Variants in THOC2 observed in about 807,000 individuals in gnomAD.
THOC2 encodes THO complex 2.
Under a neutral mutation model 128.4 loss-of-function variants are expected in THOC2, and 10 were observed. The ratio of observed to expected loss-of-function variants is 0.08; its 90% CI spans 0.05 to 0.13. The LOEUF (loss-of-function observed/expected upper bound fraction) is 0.13. THOC2 is among the 10% of genes least tolerant of loss of function. The pLI is 1.00. For synonymous variants in THOC2, 393 were observed against 396.9 expected, an observed-to-expected ratio of 0.99 and a Z score of 0.12; for missense variants, 535 against 1,155.7, an observed-to-expected ratio of 0.46 and a Z score of 7.79.
intron 4 of THOC2, among the ~76,000 whole-genome samples, chrX:123,700,124 G>A (rs768564365): frequency 1.8e-5 from 2 of 110,356 alleles, no homozygotes; most frequent in Non-Finnish European, 3.8e-5. Flanking sequence ...CCAGCCCAGA[G>A]GCCCCATCAG....
Position 123,627,186 on chromosome X carries a change from C to T in THOC2, c.2757+507G>A, listed in dbSNP as rs185310215. 4.5e-5 allele frequency among the ~76,000 whole-genome samples: 5 copies of T among 112,181 alleles called. No individual in the cohort carries two copies. The East Asian group carries it at 1.4e-3, about 31-fold the overall frequency. ...GACTTCCAATGCCTACATAATCTGG[C>T]CCCATCATAACTATTCATATGAATC... is the stretch of plus-strand genomic sequence containing the variant. On this transcript the variant is annotated intron_variant, in intron 23 of 38. Coordinates refer to ENST00000245838, the MANE Select transcript of THOC2 (RefSeq NM_001081550.2).
chrX:123,614,028 T>C (rs899594936), intron 34 of THOC2, 24 bp downstream of exon 34: 1 of 1,190,475 alleles, frequency 8.4e-7, no homozygotes, highest in Middle Eastern at 2.3e-4. Flanking sequence ...CTTTCCAAAC[T>C]AGTTTAAAAA....
At chrX:123,625,396 C>A (rs758768404) in intron 25 of THOC2, among the ~76,000 whole-genome samples, 36 of 112,172 alleles carry the variant, frequency 3.2e-4, no homozygotes, top group Non-Finnish European at 6.0e-4. Context: ...CCGCACCCGG[C>A]CACATTATGT....
At chrX:123,643,108 A>G (rs2047991163) in intron 15 of THOC2, among the ~76,000 whole-genome samples, 1 of 111,513 alleles carries the variant, frequency 9.0e-6, no homozygotes, top group Non-Finnish European at 1.9e-5. Flanking sequence ...ACCAGATGGA[A>G]AGGGGGAAAG....
intron 1 of THOC2, among the ~76,000 whole-genome samples, chrX:123,720,004 C>T (rs763537979): frequency 2.1e-4 from 23 of 110,662 alleles, no homozygotes; most frequent in African/African-American, 6.9e-4. Context: ...AAAACTAGCC[C>T]GGCATGGTGG....
chrX:123,630,394 C>G (rs936959907), intron 22 of THOC2, among the ~76,000 whole-genome samples: 2 of 110,587 alleles, frequency 1.8e-5, no homozygotes, highest in Admixed American at 1.9e-4. Flanking sequence ...AGGCGGATCA[C>G]CTGAGGTCAG....
chrX:123,612,048 A>T (rs1418350451), intron 36 of THOC2, among the ~76,000 whole-genome samples: 1 of 111,628 alleles, frequency 9.0e-6, no homozygotes, highest in Non-Finnish European at 1.9e-5. Context: ...GATGTAGAGA[A>T]ATCTGCACTC....
At chrX:123,646,988 G>GT (rs757697913) in intron 12 of THOC2, among the ~76,000 whole-genome samples, 178 of 111,701 alleles carry the variant, frequency 1.6e-3, no homozygotes, top group African/African-American at 5.6e-3. Context: ...GCGACACACA[G>GT]TTTTTTTCCC....
chrX:123,618,715 A>G (rs2046980955), intron 33 of THOC2, among the ~76,000 whole-genome samples: 1 of 112,063 alleles, frequency 8.9e-6, no homozygotes, highest in Non-Finnish European at 1.9e-5. Context: ...CAATTCAAGT[A>G]TAATACTGAA....
intron 38 of THOC2, chrX:123,610,391 T>TA (rs533071615): frequency 0.029 from 2,762 of 96,771 alleles, 41 homozygotes; most frequent in African/African-American, 0.061. Flanking sequence ...TGGGCAGTGG[T>TA]AAAAAAAAAA....
intron 8 of THOC2, among the ~76,000 whole-genome samples, chrX:123,684,923 G>A (rs2049944314): frequency 6.2e-5 from 7 of 112,132 alleles, no homozygotes; most frequent in Non-Finnish European, 1.9e-5. Context: ...CAAGAGTATA[G>A]AAACAGACAC....
chrX:123,636,821 C>T (rs1046356221), intron 18 of THOC2, among the ~76,000 whole-genome samples: 18 of 111,680 alleles, frequency 1.6e-4, no homozygotes, highest in Non-Finnish European at 2.1e-4. Context: ...CAACTATTTG[C>T]TAAGCACCTA....
At chrX:123,663,707 G>A (rs891985223) in intron 12 of THOC2, among the ~76,000 whole-genome samples, 4 of 108,924 alleles carry the variant, frequency 3.7e-5, no homozygotes, top group African/African-American at 1.3e-4. Flanking sequence ...TGCCATGTTG[G>A]TGTGCTGCAC....
Position 123,635,468 on chromosome X carries a change from G to A in THOC2, c.2018+611C>T, listed in dbSNP as rs2047638670. ...GTTTGCTTTCTACCAGAAAGCTTCT[G>A]AAAACAATTCAGGTTCTTTGATTCT... is the stretch of plus-strand genomic sequence containing the variant. On this transcript the variant is annotated intron_variant, in intron 19 of 38. Coordinates refer to ENST00000245838, the MANE Select transcript of THOC2 (RefSeq NM_001081550.2). 4.5e-5 allele frequency among the ~76,000 whole-genome samples: 5 copies of A among 111,694 alleles called. No homozygotes were observed. The South Asian group carries it at 1.5e-3, about 34-fold the overall frequency.
chrX:123,609,975 G>A lies in THOC2; in HGVS notation c.*18+943C>T, dbSNP rs1367830824. ...ACCTGGGCGGCAGAGGTTGCAGTGA[G>A]CTGAGATCGCGCCACTGCACTCCAG... On this transcript the variant is annotated intron_variant, in intron 38 of 38. Transcript: ENST00000245838. Among the ~76,000 whole-genome samples the A allele has an allele frequency of 3.6e-5, 4 of 110,567 alleles. No homozygotes were observed. In the Admixed American group the frequency reaches 3.8e-4, roughly 11 times the overall value.
At position 123,627,877 on chromosome X, in the gene THOC2, G is replaced by A. The variant is rs1215066707; in HGVS notation, c.2573C>T (p.Ala858Val). 8 of 1,209,352 alleles carry A rather than the reference G, an allele frequency of 6.6e-6. No individual in the cohort carries two copies. Among genetic ancestry groups the A allele is most frequent in the Non-Finnish European group, 8.9e-6 (8 of 894,570 alleles). The change falls in exon 23 of 39, where the codon GCG (alanine) becomes GTG (valine). Residue 858 changes from alanine to valine, a missense_variant. Physicochemically the swap from Ala to Val is moderately conservative, Grantham distance 64. Around this residue, in one of 9 missense-constraint regions of THOC2, gnomAD observed 90 missense variants for 298.6 expected, o/e 0.30. Transcript: ENST00000245838. ...GGAGACCACTGCTTCATGGACAGGC[G>A]CCATCACCATCTCACATGATGTAAT... is the stretch of plus-strand genomic sequence containing the variant. ...KYITSCEMVMAPVHEAVVSLH... is the reference protein window; with the variant it reads ...KYITSCEMVMVPVHEAVVSLH...
In THOC2 at chrX:123,621,206, C is replaced by T. The variant is rs1286260186; in HGVS notation, c.4167G>A (p.Gly1389=). The T allele has an allele frequency of 1.3e-5, 16 of 1,210,214 alleles. No homozygotes were observed. The highest frequency in any genetic ancestry group is 1.8e-5 in the Non-Finnish European group (16 of 894,962). The change falls in exon 31 of 39, where the codon GGG becomes GGA. Residue 1389 remains glycine, a synonymous_variant. Coordinates refer to ENST00000245838, the MANE Select transcript of THOC2 (RefSeq NM_001081550.2). ...ATCTGGGAACAGGTGATTTCAAGGACCCAGAAACTGGTGTTTTTTCTCCTC... is the reference window on the plus strand; with the variant it reads ...ATCTGGGAACAGGTGATTTCAAGGATCCAGAAACTGGTGTTTTTTCTCCTC... ...VKGGEKTPVS[G]SLKSPVPRSD...
At chrX:123,615,499 G>C (rs1453060454) in intron 33 of THOC2, among the ~76,000 whole-genome samples, 4 of 110,408 alleles carry the variant, frequency 3.6e-5, no homozygotes, top group Non-Finnish European at 7.6e-5. Flanking sequence ...TTGCTGGCTA[G>C]AATGCCTTAA....
rs1052834414 is a variant in THOC2, at chrX:123,600,855, A to C, written c.*502T>G. ...ACATGTACTATATAAAATGATTCCT[A>C]AGCATTTCATAAGACAATGCTCCCA... On this transcript the variant is annotated 3_prime_UTR_variant, in exon 39 of 39. Transcript: ENST00000245838. 1.8e-5 allele frequency: 2 copies of C among 112,720 alleles called. No individual in the cohort carries two copies. Among genetic ancestry groups the C allele is most frequent in the Non-Finnish European group, 3.8e-5 (2 of 53,267 alleles). The allele number at this position is 112,720 out of a possible 1,213,427, so 9.3% of individuals were successfully genotyped here.
Sources: allele counts gnomAD v4.1 joint callset (sites outside exome capture counted in the v4.1 genomes callset), GRCh38; gene constraint gnomAD v4.1.1; regional missense constraint gnomAD v4.1.1; transcripts MANE v1.5; gene names NCBI Gene and HGNC (gene_info 2026-07-23, HGNC 2026-07-21).